Variants in LEO1 observed in about 807,000 individuals in gnomAD.
The protein encoded by LEO1 is RNA polymerase-associated protein LEO1.
In LEO1, 34 loss-of-function variants were observed where a neutral mutation model predicts 80.4. The observed-to-expected ratio is 0.42, with a 90% CI of 0.32 to 0.56. The LOEUF (loss-of-function observed/expected upper bound fraction) is 0.56. Among genes scored for constraint, LEO1 ranks in the 20% least tolerant of loss-of-function variants. The probability of loss-of-function intolerance (pLI) is 0.10; values close to 1 mark genes in which losing one functional copy is unlikely to be tolerated. For missense variants in LEO1, 631 were observed against 814.2 expected, an observed-to-expected ratio of 0.77 and a Z score of 2.74; for synonymous variants, 262 against 274.9, an observed-to-expected ratio of 0.95 and a Z score of 0.46.
intron 1 of LEO1, among the ~76,000 whole-genome samples, chr15:51,969,645 C>G (rs2057106598): frequency 6.6e-6 from 1 of 151,886 alleles, no homozygotes. Flanking sequence ...AGTTTGGAAC[C>G]AGCCTGGCCA....
chr15:51,952,202 G>T (rs1265694251), intron 8 of LEO1: 1 of 419,086 alleles, frequency 2.4e-6, no homozygotes, highest in African/African-American at 2.0e-5. Context: ...CAGAAGGTTG[G>T]AGTAAAAAAG....
intron 11 of LEO1, among the ~76,000 whole-genome samples, chr15:51,941,798 A>G (rs2056855175): frequency 6.6e-6 from 1 of 152,214 alleles, no homozygotes; most frequent in Admixed American, 6.5e-5. Flanking sequence ...GCTACTACAT[A>G]TTGTGTTACT....
intron 5 of LEO1, among the ~76,000 whole-genome samples, chr15:51,959,305 G>A (rs541449635): frequency 1.3e-5 from 2 of 152,168 alleles, no homozygotes; most frequent in South Asian, 4.1e-4. Flanking sequence ...CACCCGGCCA[G>A]TAATTTTACT....
intron 5 of LEO1, among the ~76,000 whole-genome samples, chr15:51,959,293 C>G (rs2623244): frequency 0.42 from 64,338 of 151,992 alleles, 13,794 homozygotes; most frequent in Admixed American, 0.51. Context: ...TGTGAACCAC[C>G]ACACCCGGCC....
chr15:51,949,761 G>T, intron 10 of LEO1, 47 bp downstream of exon 10: 1 of 1,478,688 alleles, frequency 6.8e-7, no homozygotes, highest in Non-Finnish European at 9.3e-7. Context: ...CCAAGATGAA[G>T]TCCAGAATCC....
At chr15:51,957,342 A>G (rs1015065277) in intron 6 of LEO1, among the ~76,000 whole-genome samples, 19 of 152,340 alleles carry the variant, frequency 1.2e-4, no homozygotes, top group Admixed American at 5.9e-4. Context: ...AGGCACTAAA[A>G]CAACCATGAA....
At position 51,938,073 on chromosome 15, in the gene LEO1, G is replaced by T; in HGVS notation, c.*83C>A. The T allele has an allele frequency of 1.5e-6, 1 of 667,348 alleles. No homozygotes were observed. Among genetic ancestry groups the T allele is most frequent in the East Asian group, 3.0e-5 (1 of 33,796 alleles). The allele number at this position is 667,348 out of a possible 1,614,324, so 41.3% of individuals were successfully genotyped here. ...AATTAAAATTACACAAAAGCAAATC[G>T]ATTCATTTCAATCAAAATAACTCAT... On this transcript the variant is annotated 3_prime_UTR_variant, in exon 12 of 12. Coordinates refer to ENST00000299601, the MANE Select transcript of LEO1 (RefSeq NM_138792.4).
chr15:51,960,981 C>A (rs541966545), intron 3 of LEO1, among the ~76,000 whole-genome samples: 97 of 152,286 alleles, frequency 6.4e-4, no homozygotes, highest in Non-Finnish European at 1.2e-3. Context: ...CCTTGTTCTC[C>A]CACTTTCCTT....
intron 11 of LEO1, among the ~76,000 whole-genome samples, chr15:51,939,422 C>T (rs769056416): frequency 6.6e-6 from 1 of 152,060 alleles, no homozygotes; most frequent in Non-Finnish European, 1.5e-5. Context: ...TCCCACAGAC[C>T]TGAAAGGCCA....
chr15:51,957,243 A>G (rs1043681571), intron 6 of LEO1, among the ~76,000 whole-genome samples: 11 of 152,228 alleles, frequency 7.2e-5, no homozygotes, highest in Admixed American at 2.0e-4. Context: ...ACAAAATTAA[A>G]TAAATTGATA....
chr15:51,949,747 AAT>A lies in LEO1; in HGVS notation c.1798+59_1798+60del. The A allele has an allele frequency of 2.1e-6, 3 of 1,416,224 alleles. No homozygotes were observed. The African/African-American group carries it at 4.3e-5, about 20-fold the overall frequency. The allele number at this position is 1,416,224 out of a possible 1,614,324, so 87.7% of individuals were successfully genotyped here. On this transcript the variant is annotated intron_variant, in intron 10 of 11. Transcript: ENST00000299601. ...GTGACTTGGCAGCCGGATTACATCTAATGCCAAGATGAAGTCCAGAATCCCGA... is the reference window on the plus strand; with the variant it reads ...GTGACTTGGCAGCCGGATTACATCTAGCCAAGATGAAGTCCAGAATCCCGA...
intron 6 of LEO1, among the ~76,000 whole-genome samples, chr15:51,956,023 G>A (rs1295403215): frequency 2.6e-5 from 4 of 152,250 alleles, no homozygotes; most frequent in Admixed American, 2.0e-4. Context: ...TCATTATATT[G>A]TTTTTAATAC....
At position 51,953,200 on chromosome 15, in the gene LEO1, G is replaced by A; in HGVS notation, c.1404C>T (p.His468=). 6.2e-7 allele frequency: 1 copy of A among 1,613,984 alleles called. No homozygotes were observed. Among genetic ancestry groups the A allele is most frequent in the Non-Finnish European group, 8.5e-7 (1 of 1,179,810 alleles). The change falls in exon 8 of 12, where the codon CAC becomes CAT. Residue 468 remains histidine, a synonymous_variant. Transcript: ENST00000299601. ...TACCTTGTCTTATAAAAAGATGATTGTGGTCGCCCTGCAGTGGGGCTTTGT... is the reference window on the plus strand; with the variant it reads ...TACCTTGTCTTATAAAAAGATGATTATGGTCGCCCTGCAGTGGGGCTTTGT... ...DVYKAPLQGD[H]NHLFIRQGTG...
rs745462276 is a variant in LEO1, at chr15:51,966,234, G to A, written c.329C>T (p.Ser110Leu). The change falls in exon 2 of 12, where the codon TCA (serine) becomes TTA (leucine). Residue 110 changes from serine to leucine, a missense_variant. Ser to Leu is a moderately radical substitution (Grantham distance 145, BLOSUM62 -2). Around this residue, in one of 4 missense-constraint regions of LEO1, gnomAD observed 394 missense variants for 395.6 expected, o/e 1.00. Transcript: ENST00000299601. Reference protein sequence around the residue: ...DPSDVDQHSGSEAPNDDEDEG... With the variant: ...DPSDVDQHSGLEAPNDDEDEG... ...GTCTTCATCATCATTAGGGGCTTCT[G>A]ATCCACTGTGCTGATCTACATCTGA... 2 of 1,613,908 alleles carry A rather than the reference G, an allele frequency of 1.2e-6. No individual in the cohort carries two copies. The highest frequency in any genetic ancestry group is 1.7e-6 in the Non-Finnish European group (2 of 1,180,012).
intron 6 of LEO1, among the ~76,000 whole-genome samples, chr15:51,957,484 A>G (rs1460478967): frequency 1.3e-5 from 2 of 152,202 alleles, no homozygotes; most frequent in Non-Finnish European, 2.9e-5. Flanking sequence ...TGTAAGCAGT[A>G]TATCTGTTGA....
chr15:51,953,437 A>T (rs930178955), intron 7 of LEO1, among the ~76,000 whole-genome samples, 174 bp from the exon 8 acceptor site: 1 of 152,136 alleles, frequency 6.6e-6, no homozygotes, highest in Non-Finnish European at 1.5e-5. Flanking sequence ...GCTGGTCAAC[A>T]TGGTGAAACC....
intron 11 of LEO1, among the ~76,000 whole-genome samples, chr15:51,944,248 A>G (rs1367171510): frequency 6.6e-6 from 1 of 152,194 alleles, no homozygotes; most frequent in Non-Finnish European, 1.5e-5. Flanking sequence ...TCAAGACGAT[A>G]AAGAGCTGGC....
At chr15:51,970,145 A>C (rs1208461726) in intron 1 of LEO1, among the ~76,000 whole-genome samples, 1 of 152,100 alleles carries the variant, frequency 6.6e-6, no homozygotes, top group Non-Finnish European at 1.5e-5. Context: ...CAGGCACCCA[A>C]ACATGTACAT....
chr15:51,955,852 G>A (rs1230546009), intron 6 of LEO1, among the ~76,000 whole-genome samples: 1 of 152,112 alleles, frequency 6.6e-6, no homozygotes, highest in Non-Finnish European at 1.5e-5. Context: ...GCTATAAAGT[G>A]TGCTGATTGA....
Sources: gnomAD v4.1 joint callset for allele counts (sites outside exome capture counted in the v4.1 genomes callset) on GRCh38, gnomAD v4.1.1 for gene constraint, gnomAD v4.1.1 regional missense constraint, MANE v1.5 for transcripts, NCBI Gene and HGNC (gene_info 2026-07-23, HGNC 2026-07-21) for gene names.